Variants in GEMIN5 observed in about 807,000 individuals in gnomAD.
GEMIN5 encodes the protein gem nuclear organelle associated protein 5, also known as gem-associated protein 5.
Under a neutral mutation model 176.9 loss-of-function variants are expected in GEMIN5, and 124 were observed. That is an observed-to-expected ratio of 0.70 (90% CI 0.61 to 0.81). The LOEUF (loss-of-function observed/expected upper bound fraction) is 0.81, where lower values mean the gene tolerates loss of function less well. GEMIN5 is among the 40% of genes least tolerant of loss of function. The pLI is 0.00. For synonymous variants in GEMIN5, 673 were observed against 665.2 expected (o/e 1.01, Z -0.18); for missense variants, 1,843 against 1,814.6 (o/e 1.02, Z -0.28).
At chr5:154,896,052 AC>A (rs1763343468) in intron 24 of GEMIN5, 39 bp downstream of exon 24, 5 of 1,605,342 alleles carry the variant, frequency 3.1e-6, no homozygotes, top group Non-Finnish European at 4.3e-6. Context: ...AAGTCTTACC[AC>A]TGAGTGATTA....
Position 154,938,096 on chromosome 5 carries a change from T to C in GEMIN5, c.38A>G (p.Asn13Ser), listed in dbSNP as rs750337202. The change falls in exon 1 of 28, where the codon AAC becomes AGC. Residue 13 changes from asparagine to serine, a missense_variant. Coordinates refer to ENST00000285873, the MANE Select transcript of GEMIN5 (RefSeq NM_015465.5). ...QEPRTLPPSP[N>S]WYCARCSDAV... ...ATCGCTGCAGCGGGCGCAGTACCAG[T>C]TGGGGGAGGGCGGCAGCGTCCGCGG... The C allele has an allele frequency of 1.1e-5, 16 of 1,449,652 alleles. No homozygotes were observed. The highest frequency in any genetic ancestry group is 2.8e-5 in the East Asian group (1 of 36,314). The allele number at this position is 1,449,652 out of a possible 1,614,324, so 89.8% of individuals were successfully genotyped here. A position where few individuals can be genotyped will look rare whatever the true frequency, so the allele number is the denominator to read the frequency against.
At chr5:154,908,881 A>C (rs1228780743) in intron 15 of GEMIN5, among the ~76,000 whole-genome samples, 1 of 152,196 alleles carries the variant, frequency 6.6e-6, no homozygotes, top group South Asian at 2.1e-4. Flanking sequence ...TGCATCTACT[A>C]GTTTTTGTAT....
intron 4 of GEMIN5, 72 bp from the exon 5 acceptor site, chr5:154,931,649 A>C: frequency 7.6e-7 from 1 of 1,315,560 alleles, no homozygotes; most frequent in Non-Finnish European, 1.1e-6. Context: ...TTAGTTTGCA[A>C]GAGTTTCCAA....
rs769855995 is a variant in GEMIN5 at position 154,892,426 on chromosome 5, TG to T, written c.3720del (p.Phe1240LeufsTer19). ...AVVRSYDSGS[F>X]TIMQEVYSAF... ...GCTGAGTACACTTCCTGCATGATGG[TG>T]AAGCTCCCTGAGTCATAGCTCCGGA... On this transcript the variant is annotated frameshift_variant, in exon 25 of 28. Coordinates refer to ENST00000285873, the MANE Select transcript of GEMIN5 (RefSeq NM_015465.5). LOFTEE classifies it high-confidence loss of function. 1 of 1,614,128 alleles carries T rather than the reference TG, an allele frequency of 6.2e-7. No homozygotes were observed. The highest frequency in any genetic ancestry group is 8.5e-7 in the Non-Finnish European group (1 of 1,180,018).
At chr5:154,906,959 C>T (rs1763580152) in intron 16 of GEMIN5, among the ~76,000 whole-genome samples, 1 of 152,188 alleles carries the variant, frequency 6.6e-6, no homozygotes, top group African/African-American at 2.4e-5. Flanking sequence ...GTCTGACAAA[C>T]CATTCTCAAC....
chr5:154,888,088 A>G lies in GEMIN5; in HGVS notation c.*122T>C. The G allele has an allele frequency of 1.1e-6, 1 of 894,070 alleles. No individual in the cohort carries two copies. The highest frequency in any genetic ancestry group is 1.8e-6 in the Non-Finnish European group (1 of 561,072). The allele number at this position is 894,070 out of a possible 1,614,324, so 55.4% of individuals were successfully genotyped here. ...TGATTCAAACTTAATCCTTGTTTGT[A>G]TTCTTTTGGATTACTGCAAAAACAT... On this transcript the variant is annotated 3_prime_UTR_variant, in exon 28 of 28. Coordinates refer to ENST00000285873, the MANE Select transcript of GEMIN5 (RefSeq NM_015465.5).
At chr5:154,910,014 T>C (rs1763662788) in intron 15 of GEMIN5, among the ~76,000 whole-genome samples, 1 of 151,846 alleles carries the variant, frequency 6.6e-6, no homozygotes, top group South Asian at 2.1e-4. Flanking sequence ...TAAACAGAAT[T>C]AGACAGTATG....
chr5:154,937,753 C>T (rs1230178673), intron 1 of GEMIN5, among the ~76,000 whole-genome samples: 1 of 152,178 alleles, frequency 6.6e-6, no homozygotes, highest in Non-Finnish European at 1.5e-5. Flanking sequence ...AGCGGCCCCA[C>T]GTGGAAGCTC....
chr5:154,917,983 C>G lies in GEMIN5; in HGVS notation c.1621G>C (p.Glu541Gln), dbSNP rs371512477. The change falls in exon 12 of 28, where the codon GAG (glutamate) becomes CAG (glutamine). Residue 541 changes from glutamate to glutamine, a missense_variant. Transcript: ENST00000285873. Reference protein sequence around the residue: ...SIKYKLPVHTEISWKADGKIM... With the variant: ...SIKYKLPVHTQISWKADGKIM... ...TTGCCATCTGCTTTCCAACTTATCT[C>G]TGTGTGTACAGGCAATTTGTACTAG... 1 of 1,611,514 alleles carries G rather than the reference C, an allele frequency of 6.2e-7. No individual in the cohort carries two copies. Among genetic ancestry groups the G allele is most frequent in the Non-Finnish European group, 8.5e-7 (1 of 1,177,932 alleles).
At chr5:154,935,060 C>A (rs1764240149) in intron 3 of GEMIN5, among the ~76,000 whole-genome samples, 2 of 152,222 alleles carry the variant, frequency 1.3e-5, no homozygotes, top group African/African-American at 4.8e-5. Flanking sequence ...AATACCCCTG[C>A]ATTTATCATA....
At position 154,907,612 on chromosome 5, in the gene GEMIN5, G is replaced by GTA; in HGVS notation, c.2372_2373dup (p.Pro792TyrfsTer37). The GTA allele has an allele frequency of 6.2e-7, 1 of 1,613,894 alleles. No individual in the cohort carries two copies. Among genetic ancestry groups the GTA allele is most frequent in the Non-Finnish European group, 8.5e-7 (1 of 1,179,774 alleles). On this transcript the variant is annotated frameshift_variant, in exon 16 of 28. Transcript: ENST00000285873. LOFTEE classifies it high-confidence loss of function. ...ATACCCGCTGGAGCAAGGCCACAGGGTAATTCCGGCTCCCGTGCTTGCTCC... is the reference window on the plus strand; with the variant it reads ...ATACCCGCTGGAGCAAGGCCACAGGGTATAATTCCGGCTCCCGTGCTTGCTCC...
At chr5:154,901,046 C>G (rs1194725218) in intron 21 of GEMIN5, among the ~76,000 whole-genome samples, 1 of 152,136 alleles carries the variant, frequency 6.6e-6, no homozygotes, top group Admixed American at 6.5e-5. Flanking sequence ...AAAATCTTGG[C>G]CAAGCATGGT....
intron 5 of GEMIN5, 110 bp from the exon 6 acceptor site, chr5:154,928,769 G>A: frequency 2.2e-6 from 2 of 890,104 alleles, no homozygotes; most frequent in Admixed American, 4.8e-5. Context: ...TGTTAGTTTG[G>A]CTACTTAGAA....
At chr5:154,895,472 T>C (rs1166555784) in intron 24 of GEMIN5, among the ~76,000 whole-genome samples, 1 of 151,460 alleles carries the variant, frequency 6.6e-6, no homozygotes, top group Non-Finnish European at 1.5e-5. Context: ...AGCAAAACAA[T>C]ACATGTGGCA....
In GEMIN5 at chr5:154,929,837, T is replaced by C. The variant is rs112705865; in HGVS notation, c.782-1178A>G. Among the ~76,000 whole-genome samples, 166 of 152,362 alleles carry C rather than the reference T, an allele frequency of 1.1e-3. 3 individuals carry two copies. The highest frequency in any genetic ancestry group is 3.8e-3 in the African/African-American group (158 of 41,588). On this transcript the variant is annotated intron_variant, in intron 5 of 27. Transcript: ENST00000285873. ...CAAGTGCTGTGCTACTTGCTTTACATGCATTTGGGCAAATATGATAAAACT... is the reference window on the plus strand; with the variant it reads ...CAAGTGCTGTGCTACTTGCTTTACACGCATTTGGGCAAATATGATAAAACT...
intron 27 of GEMIN5, among the ~76,000 whole-genome samples, 178 bp downstream of exon 27, chr5:154,889,143 T>A (rs141131049): frequency 0.12 from 17,589 of 152,232 alleles, 1,235 homozygotes; most frequent in African/African-American, 0.19. Context: ...CCCAAAGCGC[T>A]GGGATTACAG....
Position 154,937,178 on chromosome 5 carries a change from T to C in GEMIN5, c.174A>G (p.Gly58=). 1 of 1,602,434 alleles carries C rather than the reference T, an allele frequency of 6.2e-7. No individual in the cohort carries two copies. Among genetic ancestry groups the C allele is most frequent in the African/African-American group, 1.3e-5 (1 of 74,634 alleles). The part of the protein sequence containing the change: ...SPGTPPFRVI[G]ELVGHTERVS... ...CCCTTTCGGTGTGTCCCACCAACTC[T>C]CCTATGACTTTAAGCAAAACCAGAC... Residue 58 remains glycine (G), a synonymous_variant, in exon 2 of 28, where the codon GGA becomes GGG. Transcript: ENST00000285873.
chr5:154,907,838 G>T lies in GEMIN5; in HGVS notation c.2168-20C>A, dbSNP rs112376134. The T allele has an allele frequency of 6.9e-5, 107 of 1,558,616 alleles. No homozygotes were observed. The highest frequency in any genetic ancestry group is 9.4e-5 in the Non-Finnish European group (106 of 1,132,800). ...TTTTGCCTACAAGAATCACAATAAA[G>T]GACTGACTAAAGTATACATTCTTGG... On this transcript the variant is annotated intron_variant, in intron 15 of 27. Transcript: ENST00000285873.
At chr5:154,894,368 T>C (rs776494727) in intron 24 of GEMIN5, among the ~76,000 whole-genome samples, 7 of 152,258 alleles carry the variant, frequency 4.6e-5, no homozygotes, top group Non-Finnish European at 1.0e-4. Flanking sequence ...TAAGCTGCTG[T>C]AAACATTTGT....
Sources: allele counts gnomAD v4.1 joint callset (sites outside exome capture counted in the v4.1 genomes callset), GRCh38; gene constraint gnomAD v4.1.1; transcripts MANE v1.5; gene names NCBI Gene and HGNC (gene_info 2026-07-23, HGNC 2026-07-21).